The following DAAM1 variants were observed in gnomAD, a reference collection of about 807,000 sequenced individuals.
DAAM1 encodes dishevelled associated activator of morphogenesis 1.
Under a neutral mutation model 130.0 loss-of-function variants are expected in DAAM1, and 52 were observed. That is an observed-to-expected ratio of 0.40 (90% CI 0.32 to 0.50). The LOEUF is 0.50. Ranked by LOEUF, DAAM1 falls within the 20% of genes least tolerant of loss-of-function variation. The pLI is 0.61. For synonymous variants in DAAM1, 452 were observed against 444.5 expected, an observed-to-expected ratio of 1.02 and a Z score of -0.21; for missense variants, 1,134 against 1,303.8, an observed-to-expected ratio of 0.87 and a Z score of 2.01.
intron 1 of DAAM1, among the ~76,000 whole-genome samples, chr14:59,216,098 C>G (rs977392412): frequency 1.3e-5 from 2 of 152,124 alleles, no homozygotes; most frequent in African/African-American, 4.8e-5. Flanking sequence ...CAGGGCCTCC[C>G]AGCCCTGTTT....
chr14:59,322,741 A>G, intron 5 of DAAM1, 151 bp from the exon 6 acceptor site: 1 of 630,232 alleles, frequency 1.6e-6, no homozygotes. Context: ...GTGCCAAGGA[A>G]GAGGCAAAGA....
rs1331889091 is a variant in DAAM1 at position 59,306,149 on chromosome 14, A to G, written c.274-9131A>G. ...AATAGGCATACTTTTTTGTAGCTAT[A>G]CTTGCAAAGACTTAGAACCTATTGT... On this transcript the variant is annotated intron_variant, in intron 3 of 24. Transcript: ENST00000360909. Among the ~76,000 whole-genome samples, 3 of 152,018 alleles carry G rather than the reference A, an allele frequency of 2.0e-5. No homozygotes were observed. In the South Asian group the frequency reaches 6.2e-4, roughly 32 times the overall value.
At chr14:59,311,751 C>G (rs1884605815) in intron 3 of DAAM1, among the ~76,000 whole-genome samples, 2 of 152,144 alleles carry the variant, frequency 1.3e-5, no homozygotes, top group South Asian at 4.1e-4. Context: ...GAGATAGGAT[C>G]TTGCTATGTC....
intron 4 of DAAM1, among the ~76,000 whole-genome samples, chr14:59,317,373 A>C (rs940310238): frequency 1.2e-4 from 19 of 152,104 alleles, no homozygotes; most frequent in African/African-American, 4.3e-4. Context: ...TGTTTTTCTC[A>C]ACATTCTGAT....
At chr14:59,331,956 G>A in intron 15 of DAAM1, 36 bp downstream of exon 15, 1 of 1,553,934 alleles carries the variant, frequency 6.4e-7, no homozygotes, top group Non-Finnish European at 8.9e-7. Flanking sequence ...CAAAAAGGTA[G>A]AAAAATCATG....
At chr14:59,235,221 C>T (rs1240126474) in intron 1 of DAAM1, among the ~76,000 whole-genome samples, 5 of 152,134 alleles carry the variant, frequency 3.3e-5, no homozygotes, top group Admixed American at 3.3e-4. Context: ...AGGAATGGCA[C>T]CACCTCATCT....
intron 15 of DAAM1, among the ~76,000 whole-genome samples, chr14:59,336,780 C>T (rs1366679513): frequency 1.3e-5 from 2 of 152,180 alleles, no homozygotes; most frequent in Non-Finnish European, 2.9e-5. Context: ...ACTTGATCAT[C>T]AGGTTGAAAG....
chr14:59,213,349 CAAAAAAA>C (rs35496333), intron 1 of DAAM1, among the ~76,000 whole-genome samples: 9 of 69,950 alleles, frequency 1.3e-4, no homozygotes, highest in African/African-American at 5.3e-4. Context: ...CACAGCTTAC[CAAAAAAA>C]AAAAAAAAAA....
At chr14:59,217,684 A>G (rs1888630174) in intron 1 of DAAM1, among the ~76,000 whole-genome samples, 1 of 152,078 alleles carries the variant, frequency 6.6e-6, no homozygotes, top group Non-Finnish European at 1.5e-5. Flanking sequence ...AAAAAAGTAC[A>G]AAAATGAGCC....
chr14:59,268,195 C>T (rs1415793118), intron 2 of DAAM1, among the ~76,000 whole-genome samples: 1 of 152,140 alleles, frequency 6.6e-6, no homozygotes, highest in African/African-American at 2.4e-5. Flanking sequence ...GTCACCGCGC[C>T]CGGCGCCTGC....
In DAAM1 at chr14:59,327,398, G is replaced by GTTTTTTTTTTTTT. The variant is rs1338982717; in HGVS notation, c.1372+410_1372+411insTTTTTTTTTTTTT. 2.1e-4 allele frequency among the ~76,000 whole-genome samples: 15 copies of GTTTTTTTTTTTTT among 72,750 alleles called. 1 individual carries two copies. Among genetic ancestry groups the GTTTTTTTTTTTTT allele is most frequent in the Admixed American group, 9.4e-4 (6 of 6,390 alleles). The allele number at this position is 72,750 out of a possible 152,430, so 47.7% of individuals were successfully genotyped here. A position where few individuals can be genotyped will look rare whatever the true frequency, so the allele number is the denominator to read the frequency against. ...TTAAAAGAGAAGAACAGGTCACTTG[G>GTTTTTTTTTTTTT]TTTCTTTTTTTTTTTTTTTTTTTTT... On this transcript the variant is annotated intron_variant, in intron 12 of 24. Transcript: ENST00000360909.
chr14:59,241,200 TA>T (rs748911378), intron 1 of DAAM1, among the ~76,000 whole-genome samples: 1 of 152,238 alleles, frequency 6.6e-6, no homozygotes, highest in Non-Finnish European at 1.5e-5. Flanking sequence ...TTTTTTGAGT[TA>T]TTGTTATACA....
At chr14:59,365,246 A>G (rs1594854236) in intron 23 of DAAM1, among the ~76,000 whole-genome samples, 1 of 152,186 alleles carries the variant, frequency 6.6e-6, no homozygotes, top group African/African-American at 2.4e-5. Flanking sequence ...ATTTTGATAT[A>G]CATGACGTCA....
intron 4 of DAAM1, among the ~76,000 whole-genome samples, chr14:59,317,665 C>A (rs908939859): frequency 3.3e-5 from 5 of 152,248 alleles, no homozygotes; most frequent in African/African-American, 1.2e-4. Flanking sequence ...ATGTTGTTTG[C>A]GGTCCCACCA....
At chr14:59,274,356 A>G (rs1209000057) in intron 2 of DAAM1, among the ~76,000 whole-genome samples, 2 of 151,984 alleles carry the variant, frequency 1.3e-5, no homozygotes, top group East Asian at 3.9e-4. Context: ...TTCAGGAAAA[A>G]TAGGCTTTTC....
intron 1 of DAAM1, among the ~76,000 whole-genome samples, chr14:59,223,268 A>G (rs1372126076): frequency 2.6e-5 from 4 of 152,226 alleles, no homozygotes; most frequent in African/African-American, 9.6e-5. Flanking sequence ...GCTGCTGTGC[A>G]TGCCCAGCTT....
At chr14:59,262,745 T>C (rs1566673219) in intron 1 of DAAM1, among the ~76,000 whole-genome samples, 2 of 151,822 alleles carry the variant, frequency 1.3e-5, no homozygotes, top group African/African-American at 4.8e-5. Context: ...TTTTCTCTTT[T>C]CAGTTTGAAA....
chr14:59,367,332 T>A, intron 23 of DAAM1, 97 bp from the exon 24 acceptor site: 1 of 1,483,886 alleles, frequency 6.7e-7, no homozygotes, highest in Non-Finnish European at 8.9e-7. Flanking sequence ...AAAACTTACG[T>A]TTGACTCAAT....
intron 3 of DAAM1, among the ~76,000 whole-genome samples, chr14:59,301,024 G>A (rs1423023852): frequency 1.3e-5 from 2 of 152,128 alleles, no homozygotes; most frequent in Non-Finnish European, 2.9e-5. Context: ...GCTCTTCAAA[G>A]TGGTTATAAT....
Sources: gnomAD v4.1 joint callset for allele counts (sites outside exome capture counted in the v4.1 genomes callset) on GRCh38, gnomAD v4.1.1 for gene constraint, MANE v1.5 for transcripts, NCBI Gene and HGNC (gene_info 2026-07-23, HGNC 2026-07-21) for gene names.